Variants in PYROXD1 observed in about 807,000 individuals in gnomAD.
PYROXD1 encodes the protein pyridine nucleotide-disulphide oxidoreductase domain 1.
PYROXD1 carries 42 observed loss-of-function variants against 62.0 expected under a neutral mutation model. The observed-to-expected ratio is 0.68, with a 90% confidence interval of 0.53 to 0.88. The LOEUF is 0.88. Ranked by LOEUF, PYROXD1 falls within the 40% of genes least tolerant of loss-of-function variation. The pLI is 0.00. For synonymous variants in PYROXD1, 170 were observed against 206.4 expected (o/e 0.82, Z 1.51); for missense variants, 493 against 604.8 (o/e 0.82, Z 1.94).
At chr12:21,463,332 T>C (rs1035310204) in intron 10 of PYROXD1, among the ~76,000 whole-genome samples, 1 of 152,188 alleles carries the variant, frequency 6.6e-6, no homozygotes, top group Non-Finnish European at 1.5e-5. Flanking sequence ...CTACTAAGAT[T>C]GTAAATTATA....
Position 21,440,416 on chromosome 12 carries a change from C to T in PYROXD1, c.133C>T (p.Pro45Ser). The T allele has an allele frequency of 1.3e-6, 2 of 1,599,322 alleles. No individual in the cohort carries two copies. The highest frequency in any genetic ancestry group is 1.7e-6 in the Non-Finnish European group (2 of 1,172,528). Reference sequence around the variant, plus strand: ...AGATATTCTCTTGGTAACAGCTTCTCCTGTTATTAAAGCAGTTACAAATTT... The same window carrying T: ...AGATATTCTCTTGGTAACAGCTTCTTCTGTTATTAAAGCAGTTACAAATTT... ...SEDILLVTAS[P>S]VIKAVTNFKQ... is the part of the protein sequence containing the mutation. Residue 45 changes from proline to serine, a missense_variant, in exon 2 of 12, where the codon CCT (proline) becomes TCT (serine). Pro to Ser is a moderately conservative substitution (Grantham distance 74). This residue lies in a region of PYROXD1 where 164 missense variants were observed against 158.2 expected (regional missense o/e 1.04). Coordinates refer to ENST00000240651, the MANE Select transcript of PYROXD1 (RefSeq NM_024854.5).
In PYROXD1 at chr12:21,468,904, A is replaced by C; in HGVS notation, c.*150A>C. 1.3e-6 allele frequency: 1 copy of C among 744,122 alleles called. No homozygotes were observed. The highest frequency in any genetic ancestry group is 2.1e-6 in the Non-Finnish European group (1 of 477,072). 46.1% of individuals were successfully genotyped at this position (744,122 alleles called of 1,614,324 possible). ...TATTAGTGGAAAAATATAAAAACAT[A>C]AATTCTAAGTTTGAAATCAGTTCAA... is the stretch of plus-strand genomic sequence containing the variant. On this transcript the variant is annotated 3_prime_UTR_variant, in exon 12 of 12. Transcript: ENST00000240651.
At chr12:21,443,034 G>A (rs1471588240) in intron 2 of PYROXD1, among the ~76,000 whole-genome samples, 7 of 151,970 alleles carry the variant, frequency 4.6e-5, no homozygotes, top group Admixed American at 6.6e-5. Context: ...TTTAATGGGG[G>A]AATGAAGGCT....
chr12:21,468,684 A>G lies in PYROXD1; in HGVS notation c.1433A>G (p.Gln478Arg). ...ACATTTGAAAACCTAATCTTAAACC[A>G]AATGAATCTTTCATCATATGGAGAA... ...EETFENLILN[Q>R]MNLSSYGEDL... is the part of the protein sequence containing the mutation. The change falls in exon 12 of 12, where the codon CAA (glutamine) becomes CGA (arginine). Residue 478 changes from glutamine to arginine, a missense_variant. Physicochemically the swap from Gln to Arg is conservative, Grantham distance 43 (BLOSUM62 1). Around this residue, in one of 2 missense-constraint regions of PYROXD1, gnomAD observed 329 missense variants for 446.6 expected, o/e 0.74. Coordinates refer to ENST00000240651, the MANE Select transcript of PYROXD1 (RefSeq NM_024854.5). 5 of 1,611,796 alleles carry G rather than the reference A, an allele frequency of 3.1e-6. No homozygotes were observed. Among genetic ancestry groups the G allele is most frequent in the Non-Finnish European group, 4.2e-6 (5 of 1,178,656 alleles).
chr12:21,459,163 A>C (rs1034847609), intron 7 of PYROXD1, among the ~76,000 whole-genome samples: 1 of 152,198 alleles, frequency 6.6e-6, no homozygotes, highest in Non-Finnish European at 1.5e-5. Flanking sequence ...GGTCACAGGA[A>C]AGACCAAGAC....
chr12:21,440,493 G>T (rs1296784103), intron 2 of PYROXD1, 45 bp downstream of exon 2: 6 of 1,071,350 alleles, frequency 5.6e-6, no homozygotes, highest in South Asian at 2.8e-5. Context: ...TGAAAAAATT[G>T]CAATAACTTG....
At chr12:21,452,462 A>G (rs899032463) in intron 5 of PYROXD1, among the ~76,000 whole-genome samples, 1 of 152,072 alleles carries the variant, frequency 6.6e-6, no homozygotes. Context: ...AGTATATTTT[A>G]TGTTTAAAAA....
rs1057422941 is a variant in PYROXD1, at chr12:21,468,902, A to G, written c.*148A>G. 106 of 752,818 alleles carry G rather than the reference A, an allele frequency of 1.4e-4. No individual in the cohort carries two copies. The African/African-American group carries it at 1.5e-3, about 11-fold the overall frequency. The allele number at this position is 752,818 out of a possible 1,614,324, so 46.6% of individuals were successfully genotyped here. ...GATATTAGTGGAAAAATATAAAAAC[A>G]TAAATTCTAAGTTTGAAATCAGTTC... On this transcript the variant is annotated 3_prime_UTR_variant, in exon 12 of 12. Coordinates refer to ENST00000240651, the MANE Select transcript of PYROXD1 (RefSeq NM_024854.5).
chr12:21,461,564 C>G (rs1942698696), intron 8 of PYROXD1, among the ~76,000 whole-genome samples: 1 of 152,162 alleles, frequency 6.6e-6, no homozygotes, highest in Admixed American at 6.5e-5. Context: ...GAAATACACT[C>G]AGTTAACTAG....
At position 21,462,041 on chromosome 12, in the gene PYROXD1, A is replaced by G. The variant is rs772481755; in HGVS notation, c.914A>G (p.Glu305Gly). The part of the protein sequence containing the change: ...MWPVYVELTN[E>G]KIYGCDFIVS... Reference sequence around the variant, plus strand: ...CCTGTCTATGTGGAATTGACCAATGAAAAGATATATGGCTGCGATTTCATT... The same window carrying G: ...CCTGTCTATGTGGAATTGACCAATGGAAAGATATATGGCTGCGATTTCATT... The change falls in exon 9 of 12, where the codon GAA (glutamate) becomes GGA (glycine). Residue 305 changes from glutamate to glycine, a missense_variant. By Grantham distance (98) the Glu-to-Gly change is moderately conservative (BLOSUM62 -2). Around this residue, in one of 2 missense-constraint regions of PYROXD1, gnomAD observed 329 missense variants for 446.6 expected, o/e 0.74. Transcript: ENST00000240651. The G allele has an allele frequency of 3.1e-6, 5 of 1,612,102 alleles. No homozygotes were observed. Among genetic ancestry groups the G allele is most frequent in the Middle Eastern group, 1.9e-4 (1 of 5,162 alleles).
intron 7 of PYROXD1, among the ~76,000 whole-genome samples, 196 bp downstream of exon 7, chr12:21,456,291 G>C (rs964676525): frequency 1.3e-5 from 2 of 152,092 alleles, no homozygotes; most frequent in African/African-American, 4.8e-5. Flanking sequence ...AAGCATCGAA[G>C]ACTGGATCTC....
At chr12:21,460,939 A>G (rs1225197924) in intron 7 of PYROXD1, 86 bp from the exon 8 acceptor site, 4 of 828,792 alleles carry the variant, frequency 4.8e-6, no homozygotes, top group Non-Finnish European at 7.1e-6. Flanking sequence ...ATACATTTCT[A>G]CAAGTATACG....
chr12:21,437,851 G>C (rs1316982796), intron 1 of PYROXD1, 37 bp downstream of exon 1: 7 of 1,573,910 alleles, frequency 4.4e-6, no homozygotes, highest in Middle Eastern at 3.4e-4. Context: ...CTCTTTCCCC[G>C]ACCCCAAAGG....
At chr12:21,446,637 G>A (rs1482760880) in intron 3 of PYROXD1, among the ~76,000 whole-genome samples, 2 of 151,880 alleles carry the variant, frequency 1.3e-5, no homozygotes, top group Non-Finnish European at 2.9e-5. Context: ...AGGAAATTAT[G>A]TACAGGCTCA....
intron 10 of PYROXD1, among the ~76,000 whole-genome samples, chr12:21,464,899 T>C (rs1942764197): frequency 6.6e-6 from 1 of 152,182 alleles, no homozygotes; most frequent in Admixed American, 6.5e-5. Context: ...AGTTCCCACC[T>C]ATGAGTGAGA....
chr12:21,455,905 A>ATAT (rs1942587231), intron 6 of PYROXD1, 90 bp from the exon 7 acceptor site: 1 of 731,636 alleles, frequency 1.4e-6, no homozygotes, highest in Admixed American at 2.5e-5. Flanking sequence ...TATATATATG[A>ATAT]ATCATTACAT....
chr12:21,468,381 C>A, intron 11 of PYROXD1, 125 bp from the exon 12 acceptor site: 2 of 835,284 alleles, frequency 2.4e-6, no homozygotes, highest in Non-Finnish European at 3.8e-6. Flanking sequence ...TCCCCAATAA[C>A]ATTTTTAGTT....
At chr12:21,448,132 C>A in intron 3 of PYROXD1, 1 of 675,118 alleles carries the variant, frequency 1.5e-6, no homozygotes, top group Non-Finnish European at 2.8e-6. Flanking sequence ...TCTCTTTTTA[C>A]AGTAAATTCA....
At chr12:21,445,300 G>T (rs763416807) in intron 2 of PYROXD1, 47 bp from the exon 3 acceptor site, 1 of 1,470,264 alleles carries the variant, frequency 6.8e-7, no homozygotes, top group East Asian at 2.5e-5. Flanking sequence ...ATTCTTGAAA[G>T]AAAATACTTT....
Sources: gnomAD v4.1 joint callset for allele counts (sites outside exome capture counted in the v4.1 genomes callset) on GRCh38, gnomAD v4.1.1 for gene constraint, gnomAD v4.1.1 regional missense constraint, MANE v1.5 for transcripts, NCBI Gene and HGNC (gene_info 2026-07-23, HGNC 2026-07-21) for gene names.